GTF3C5: variants seen among roughly 807,000 people sequenced by gnomAD.
GTF3C5 encodes general transcription factor 3C polypeptide 5.
GTF3C5 carries 47 observed loss-of-function variants against 61.0 expected under a neutral mutation model. The observed-to-expected ratio is 0.77, with a 90% CI of 0.61 to 0.98. The LOEUF is 0.98. Among genes scored for constraint, GTF3C5 ranks in the 50% least tolerant of loss-of-function variants. The pLI is 0.00. For missense variants in GTF3C5, 659 were observed against 703.3 expected (o/e 0.94, Z 0.71); for synonymous variants, 295 against 275.4 (o/e 1.07, Z -0.71).
chr9:133,034,454 G>A (rs1310429745), intron 1 of GTF3C5, among the ~76,000 whole-genome samples: 1 of 152,156 alleles, frequency 6.6e-6, no homozygotes. Flanking sequence ...TTGATGACAA[G>A]ATGACCTTAT....
intron 1 of GTF3C5, among the ~76,000 whole-genome samples, chr9:133,032,831 C>T (rs1328163635): frequency 6.6e-6 from 1 of 152,200 alleles, no homozygotes; most frequent in East Asian, 1.9e-4. Context: ...GTGAAGAGAT[C>T]GTTTATCCCA....
At chr9:133,047,542 A>G (rs1168776772) in intron 3 of GTF3C5, among the ~76,000 whole-genome samples, 1 of 148,168 alleles carries the variant, frequency 6.7e-6, no homozygotes, top group African/African-American at 2.5e-5. Flanking sequence ...TTTTTTGGAG[A>G]CGGAATTTCC....
chr9:133,035,977 A>G (rs1172940665), intron 1 of GTF3C5, among the ~76,000 whole-genome samples: 1 of 152,196 alleles, frequency 6.6e-6, no homozygotes, highest in African/African-American at 2.4e-5. Flanking sequence ...TGGTTTTGCA[A>G]GTGCTTTAAG....
intron 3 of GTF3C5, among the ~76,000 whole-genome samples, chr9:133,045,318 G>A (rs1315673488): frequency 6.6e-6 from 1 of 152,166 alleles, no homozygotes; most frequent in Non-Finnish European, 1.5e-5. Context: ...TGGGGTCAGC[G>A]CCACGTCCCG....
rs1316956360 is a variant in GTF3C5 at position 133,058,314 on chromosome 9, T to C, written c.*334T>C. On this transcript the variant is annotated 3_prime_UTR_variant, in exon 11 of 11. Coordinates refer to ENST00000372097, the MANE Select transcript of GTF3C5 (RefSeq NM_012087.4). Reference sequence around the variant, plus strand: ...TGCCGGAGGTGGAGCTGGGCAGCTGTGGAGCCCCAGGCCACAGGCCAGTCT... The same window carrying C: ...TGCCGGAGGTGGAGCTGGGCAGCTGCGGAGCCCCAGGCCACAGGCCAGTCT... 9.7e-6 allele frequency: 3 copies of C among 310,186 alleles called. No individual in the cohort carries two copies. The East Asian group carries it at 3.4e-4, about 35-fold the overall frequency. The allele number at this position is 310,186 out of a possible 1,614,324, so 19.2% of individuals were successfully genotyped here.
chr9:133,044,296 C>T (rs1850137571), intron 3 of GTF3C5: 2 of 227,120 alleles, frequency 8.8e-6, no homozygotes, highest in African/African-American at 4.6e-5. Context: ...GTGTGATCGC[C>T]AGGTTGGCCT....
At chr9:133,056,679 C>A in intron 9 of GTF3C5, 87 bp from the exon 10 acceptor site, 3 of 1,329,544 alleles carry the variant, frequency 2.3e-6, no homozygotes, top group Non-Finnish European at 3.1e-6. Context: ...CTCAGTACAG[C>A]TCTGCCTCTG....
intron 1 of GTF3C5, among the ~76,000 whole-genome samples, chr9:133,039,924 C>T (rs1034055615): frequency 6.6e-6 from 1 of 152,224 alleles, no homozygotes; most frequent in African/African-American, 2.4e-5. Context: ...GCTCTAGAGT[C>T]TGAACTTTTA....
chr9:133,057,372 C>G (rs1036351071), intron 10 of GTF3C5, among the ~76,000 whole-genome samples: 1 of 152,194 alleles, frequency 6.6e-6, no homozygotes, highest in Non-Finnish European at 1.5e-5. Context: ...GTGGGTCTCA[C>G]GAGGCTCGGG....
rs1161227651 is a variant in GTF3C5 at position 133,054,481 on chromosome 9, G to A, written c.1062G>A (p.Lys354=). The change falls in exon 7 of 11, where the codon AAG becomes AAA. Residue 354 remains lysine (K), a synonymous_variant. Transcript: ENST00000372097. ...ACTACAGCCTCCCCATCACCGTCAAGAAGACATGTAAGCGTGCCAGGCGCC... is the reference window on the plus strand; with the variant it reads ...ACTACAGCCTCCCCATCACCGTCAAAAAGACATGTAAGCGTGCCAGGCGCC... The part of the protein sequence containing the change: ...TYNYSLPITV[K]KTSSQLVTMH... 2 of 1,614,086 alleles carry A rather than the reference G, an allele frequency of 1.2e-6. No homozygotes were observed.
At chr9:133,032,739 C>G (rs1849765245) in intron 1 of GTF3C5, among the ~76,000 whole-genome samples, 1 of 152,150 alleles carries the variant, frequency 6.6e-6, no homozygotes, top group African/African-American at 2.4e-5. Context: ...CGAGAATAAA[C>G]ACGTTTATTA....
chr9:133,043,873 C>T lies in GTF3C5; in HGVS notation c.519C>T (p.Phe173=), dbSNP rs140794229. 3.2e-5 allele frequency: 51 copies of T among 1,614,066 alleles called. No individual in the cohort carries two copies. Among genetic ancestry groups the T allele is most frequent in the Non-Finnish European group, 4.3e-5 (51 of 1,180,020 alleles). ...ELPLYIPPPI[F]SRLDAPVDYF... ...CGCTCTACATCCCCCCACCCATCTT[C>T]TCCCGGCTGGACGCCCCGGTGGACT... The change falls in exon 3 of 11, where the codon TTC becomes TTT. Residue 173 remains phenylalanine (F), a synonymous_variant. Transcript: ENST00000372097.
intron 5 of GTF3C5, among the ~76,000 whole-genome samples, chr9:133,053,524 G>C (rs1045758868): frequency 6.6e-6 from 1 of 152,146 alleles, no homozygotes; most frequent in African/African-American, 2.4e-5. Context: ...GGTTGAGGCT[G>C]CAGTGAACCG....
At chr9:133,053,776 A>G in intron 5 of GTF3C5, 52 bp from the exon 6 acceptor site, 1 of 1,215,970 alleles carries the variant, frequency 8.2e-7, no homozygotes, top group Non-Finnish European at 1.2e-6. Flanking sequence ...TGGCCCGTCC[A>G]GGGACCTGGG....
intron 4 of GTF3C5, among the ~76,000 whole-genome samples, chr9:133,051,362 G>C (rs1376098309): frequency 6.6e-6 from 1 of 152,216 alleles, no homozygotes; most frequent in Non-Finnish European, 1.5e-5. Flanking sequence ...CTGCCAGGCA[G>C]CCCTCCTTCC....
Position 133,055,263 on chromosome 9 carries a change from G to T in GTF3C5, c.1167+454G>T, listed in dbSNP as rs960572165. 2.2e-5 allele frequency: 32 copies of T among 1,457,226 alleles called. No individual in the cohort carries two copies. The Admixed American group carries it at 6.4e-4, about 29-fold the overall frequency. 90.3% of individuals were successfully genotyped at this position (1,457,226 alleles called of 1,614,324 possible). On this transcript the variant is annotated intron_variant, in intron 8 of 10. Transcript: ENST00000372097. Reference sequence around the variant, plus strand: ...GCGGGGGTTGGCGGTTTCCAGAGCTGTTCCCACATTCAGGCTCCCGCAAGC... The same window carrying T: ...GCGGGGGTTGGCGGTTTCCAGAGCTTTTCCCACATTCAGGCTCCCGCAAGC...
intron 9 of GTF3C5, among the ~76,000 whole-genome samples, chr9:133,056,438 A>C (rs1467360835): frequency 6.6e-6 from 1 of 152,208 alleles, no homozygotes; most frequent in African/African-American, 2.4e-5. Flanking sequence ...TGTTTAAAGA[A>C]TTGCAGGGAA....
intron 1 of GTF3C5, among the ~76,000 whole-genome samples, chr9:133,037,215 T>TA (rs1171811019): frequency 9.2e-5 from 14 of 152,168 alleles, no homozygotes; most frequent in Non-Finnish European, 2.1e-4. Flanking sequence ...AAAAGCATCT[T>TA]AAATATATTA....
At chr9:133,034,651 A>G (rs1003161071) in intron 1 of GTF3C5, among the ~76,000 whole-genome samples, 2 of 152,056 alleles carry the variant, frequency 1.3e-5, no homozygotes, top group African/African-American at 4.8e-5. Context: ...TAAGAGTACC[A>G]GATAAGGCCC....
Sources: allele counts gnomAD v4.1 joint callset (sites outside exome capture counted in the v4.1 genomes callset), GRCh38; gene constraint gnomAD v4.1.1; transcripts MANE v1.5; gene names NCBI Gene and HGNC (gene_info 2026-07-23, HGNC 2026-07-21).